The following KAT2B variants were observed in gnomAD, a reference collection of about 807,000 sequenced individuals.
KAT2B encodes the protein histone acetyltransferase KAT2B.
Under a neutral mutation model 105.9 loss-of-function variants are expected in KAT2B, and 36 were observed. The ratio of observed to expected loss-of-function variants is 0.34; its 90% CI spans 0.26 to 0.45. The LOEUF (loss-of-function observed/expected upper bound fraction) is 0.45. Ranked by LOEUF, KAT2B falls within the 20% of genes least tolerant of loss-of-function variation. The probability of loss-of-function intolerance (pLI) is 1.00; values close to 1 mark genes in which losing one functional copy is unlikely to be tolerated. For missense variants in KAT2B, 820 were observed against 1,021.6 expected, an observed-to-expected ratio of 0.80 and a Z score of 2.69; for synonymous variants, 397 against 377.9, an observed-to-expected ratio of 1.05 and a Z score of -0.59.
chr3:20,073,120 TA>T (rs1178415409), intron 2 of KAT2B, among the ~76,000 whole-genome samples: 3 of 152,142 alleles, frequency 2.0e-5, no homozygotes, highest in African/African-American at 4.8e-5. Flanking sequence ...TTAAAATATT[TA>T]AAAAAATCAT....
At chr3:20,055,464 G>A (rs1462887493) in intron 1 of KAT2B, among the ~76,000 whole-genome samples, 1 of 152,158 alleles carries the variant, frequency 6.6e-6, no homozygotes, top group Non-Finnish European at 1.5e-5. Flanking sequence ...GAATGCCTGG[G>A]GAATTCCTCT....
intron 13 of KAT2B, among the ~76,000 whole-genome samples, chr3:20,144,222 C>T (rs1699742431): frequency 6.8e-6 from 1 of 146,628 alleles, no homozygotes; most frequent in Non-Finnish European, 1.5e-5. Context: ...CAAATTGAAA[C>T]AGTCTTCAGC....
At chr3:20,051,003 C>T (rs748234979) in intron 1 of KAT2B, among the ~76,000 whole-genome samples, 11 of 151,868 alleles carry the variant, frequency 7.2e-5, no homozygotes, top group African/African-American at 2.7e-4. Context: ...GAAATCAAGA[C>T]CAGCCTGGCC....
chr3:20,068,274 G>A (rs1249696672), intron 1 of KAT2B, among the ~76,000 whole-genome samples: 1 of 151,786 alleles, frequency 6.6e-6, no homozygotes, highest in African/African-American at 2.4e-5. Context: ...GCAATTATAG[G>A]TGTGAGCCAC....
At chr3:20,099,346 G>A (rs918426653) in intron 3 of KAT2B, among the ~76,000 whole-genome samples, 21 of 152,202 alleles carry the variant, frequency 1.4e-4, no homozygotes, top group African/African-American at 2.4e-5. Context: ...TGCGTATGCC[G>A]TGCAGCTGCT....
At chr3:20,041,298 G>A (rs377707301) in intron 1 of KAT2B, among the ~76,000 whole-genome samples, 6 of 152,248 alleles carry the variant, frequency 3.9e-5, no homozygotes, top group South Asian at 2.1e-4. Flanking sequence ...AAAGCGCGGG[G>A]TGGGAAGGTG....
At position 20,101,572 on chromosome 3, in the gene KAT2B, C is replaced by G. The variant is rs892856818; in HGVS notation, c.851+104C>G. On this transcript the variant is annotated intron_variant, in intron 5 of 17. Coordinates refer to ENST00000263754, the MANE Select transcript of KAT2B (RefSeq NM_003884.5). ...TAGGGCTGCCTAGTTATCATTATGACTCCATCAATTCAGAGATAATGTCTT... is the reference window on the plus strand; with the variant it reads ...TAGGGCTGCCTAGTTATCATTATGAGTCCATCAATTCAGAGATAATGTCTT... 3.7e-6 allele frequency: 3 copies of G among 817,550 alleles called. No individual in the cohort carries two copies. The African/African-American group carries it at 5.2e-5, about 14-fold the overall frequency. The allele number at this position is 817,550 out of a possible 1,614,324, so 50.6% of individuals were successfully genotyped here.
chr3:20,143,319 A>T (rs1645706374), intron 13 of KAT2B, among the ~76,000 whole-genome samples: 1 of 152,218 alleles, frequency 6.6e-6, no homozygotes, highest in South Asian at 2.1e-4. Context: ...TGCAAGTCAA[A>T]ACCACAATGT....
chr3:20,082,948 AAAAC>A (rs1198517552), intron 2 of KAT2B, among the ~76,000 whole-genome samples: 1 of 152,200 alleles, frequency 6.6e-6, no homozygotes, highest in Non-Finnish European at 1.5e-5. Context: ...AGTAGTATGA[AAAAC>A]AAACAACTCC....
intron 5 of KAT2B, among the ~76,000 whole-genome samples, chr3:20,106,979 G>GTATATATATATATATA (rs869172127): frequency 3.0e-5 from 1 of 33,498 alleles, no homozygotes. Context: ...ATATATATAT[G>GTATATATATATATATA]TATATATATA....
chr3:20,124,567 A>G (rs1434024557), intron 9 of KAT2B, among the ~76,000 whole-genome samples: 1 of 152,212 alleles, frequency 6.6e-6, no homozygotes, highest in Non-Finnish European at 1.5e-5. Context: ...ACTTCCCACT[A>G]GGCCCCACCT....
intron 11 of KAT2B, among the ~76,000 whole-genome samples, chr3:20,133,445 A>G (rs1017439033): frequency 2.0e-5 from 3 of 152,206 alleles, no homozygotes; most frequent in African/African-American, 7.2e-5. Context: ...CATATTGGAT[A>G]GCATAGATAA....
chr3:20,129,424 G>C (rs537430946), intron 11 of KAT2B, among the ~76,000 whole-genome samples: 8 of 150,316 alleles, frequency 5.3e-5, no homozygotes, highest in African/African-American at 2.0e-4. Flanking sequence ...GCCCAGGCTG[G>C]AGTGCAGTGG....
chr3:20,072,541 C>A, intron 2 of KAT2B, 82 bp downstream of exon 2: 3 of 1,374,370 alleles, frequency 2.2e-6, no homozygotes, highest in Non-Finnish European at 3.1e-6. Context: ...TGTGGGTTCA[C>A]CAAATTTGAA....
At chr3:20,106,973 ATATATG>A (rs1289304364) in intron 5 of KAT2B, among the ~76,000 whole-genome samples, 68 of 12,318 alleles carry the variant, frequency 5.5e-3, no homozygotes, top group East Asian at 0.044. Context: ...ATATATATAT[ATATATG>A]TATATATATA....
chr3:20,040,887 C>A, intron 1 of KAT2B, 107 bp downstream of exon 1: 1 of 1,326,470 alleles, frequency 7.5e-7, no homozygotes, highest in Non-Finnish European at 9.8e-7. Flanking sequence ...CTGCCTCTCG[C>A]CTCCCGCCTG....
chr3:20,127,484 A>G lies in KAT2B; in HGVS notation c.1684A>G (p.Met562Val). The change falls in exon 11 of 18, where the codon ATG becomes GTG. Residue 562 changes from methionine (M) to valine (V), a missense_variant. Physicochemically the swap from Met to Val is conservative, Grantham distance 21. This residue lies in a region of KAT2B where 225 missense variants were observed against 268.1 expected (regional missense o/e 0.84). Coordinates refer to ENST00000263754, the MANE Select transcript of KAT2B (RefSeq NM_003884.5). ...GRVIGGICFR[M>V]FPSQGFTEIV... ...TGTTATTGGTGGTATCTGTTTCCGT[A>G]TGTTCCCATCTCAAGGATTCACAGA... The G allele has an allele frequency of 6.2e-7, 1 of 1,613,068 alleles. No homozygotes were observed. The highest frequency in any genetic ancestry group is 8.5e-7 in the Non-Finnish European group (1 of 1,179,002).
At chr3:20,048,624 T>C (rs1697857418) in intron 1 of KAT2B, among the ~76,000 whole-genome samples, 1 of 152,138 alleles carries the variant, frequency 6.6e-6, no homozygotes, top group African/African-American at 2.4e-5. Flanking sequence ...GAATACTCCG[T>C]GTAGTGCCAA....
chr3:20,059,779 T>G (rs1698068455), intron 1 of KAT2B, among the ~76,000 whole-genome samples: 1 of 152,228 alleles, frequency 6.6e-6, no homozygotes, highest in African/African-American at 2.4e-5. Context: ...GTTTTAAGTG[T>G]ACAATTCAAT....
Sources: allele counts gnomAD v4.1 joint callset (sites outside exome capture counted in the v4.1 genomes callset), GRCh38; gene constraint gnomAD v4.1.1; regional missense constraint gnomAD v4.1.1; transcripts MANE v1.5; gene names NCBI Gene and HGNC (gene_info 2026-07-23, HGNC 2026-07-21).